SUPT20H: variants seen among roughly 807,000 people sequenced by gnomAD.
SUPT20H encodes transcription factor SPT20 homolog.
Under a neutral mutation model 122.8 loss-of-function variants are expected in SUPT20H, and 82 were observed. That is an observed-to-expected ratio of 0.67 (90% CI 0.56 to 0.80). The LOEUF is 0.80. Ranked by LOEUF, SUPT20H falls within the 30% of genes least tolerant of loss-of-function variation. The pLI is 0.00. For synonymous variants in SUPT20H, 291 were observed against 313.0 expected, an observed-to-expected ratio of 0.93 and a Z score of 0.74; for missense variants, 831 against 921.6, an observed-to-expected ratio of 0.90 and a Z score of 1.27.
rs751883673 is a variant in SUPT20H at position 37,051,523 on chromosome 13, T to G, written c.-33A>C. The G allele has an allele frequency of 3.7e-6, 6 of 1,610,350 alleles. No individual in the cohort carries two copies. Among genetic ancestry groups the G allele is most frequent in the East Asian group, 2.2e-5 (1 of 44,766 alleles). On this transcript the variant is annotated 5_prime_UTR_variant, in exon 2 of 26. Transcript: ENST00000350612. ...TAAAATAAGGGTCCAAAAGAAGAGA[T>G]AACTTATGTACGCTGATGAAGTGGG...
chr13:37,055,328 G>C (rs1566382114), intron 1 of SUPT20H, among the ~76,000 whole-genome samples: 4 of 151,420 alleles, frequency 2.6e-5, no homozygotes, highest in African/African-American at 9.7e-5. Flanking sequence ...TAAGCCAAAA[G>C]ACAAAGCTGG....
intron 1 of SUPT20H, among the ~76,000 whole-genome samples, chr13:37,053,595 A>G (rs951388763): frequency 6.6e-5 from 10 of 152,044 alleles, no homozygotes; most frequent in Non-Finnish European, 1.2e-4. Context: ...AACCTAGATG[A>G]CGGGTTGATA....
At chr13:37,027,000 C>A (rs574713182) in intron 14 of SUPT20H, among the ~76,000 whole-genome samples, 184 bp from the exon 15 acceptor site, 2 of 152,006 alleles carry the variant, frequency 1.3e-5, no homozygotes, top group South Asian at 4.1e-4. Context: ...TCATTTGGCT[C>A]TATAGACCAA....
In SUPT20H at chr13:37,009,688, G is replaced by C. The variant is rs1201170457; in HGVS notation, c.2324C>G (p.Thr775Ser). 10 of 1,613,788 alleles carry C rather than the reference G, an allele frequency of 6.2e-6. No homozygotes were observed. The highest frequency in any genetic ancestry group is 7.6e-6 in the Non-Finnish European group (9 of 1,179,938). The stretch of plus-strand genomic sequence containing the variant: ...ATGCAAGACTCAAAATTTTGGAGTG[G>C]TTGGCGTGCCTCTCTTCATTTTACT... Reference protein sequence around the residue: ...SKSKMKRGTPTTPKF With the variant: ...SKSKMKRGTPSTPKF The change falls in exon 26 of 26, where the codon ACC (threonine) becomes AGC (serine). Residue 775 changes from threonine to serine, a missense_variant. Thr to Ser is a moderately conservative substitution (Grantham distance 58). Coordinates refer to ENST00000350612, the MANE Select transcript of SUPT20H (RefSeq NM_001014286.3).
Position 37,042,726 on chromosome 13 carries a change from T to C in SUPT20H, c.396+1352A>G, listed in dbSNP as rs79670302. On this transcript the variant is annotated intron_variant, in intron 7 of 25. Transcript: ENST00000350612. ...AACGATGTCATGATGCCAAATGAGATAGGTGGTGGAAAGAATGGGATCTGC... is the reference window on the plus strand; with the variant it reads ...AACGATGTCATGATGCCAAATGAGACAGGTGGTGGAAAGAATGGGATCTGC... 5.3e-5 allele frequency among the ~76,000 whole-genome samples: 8 copies of C among 152,222 alleles called. No individual in the cohort carries two copies. In the East Asian group the frequency reaches 1.5e-3, roughly 29 times the overall value.
At chr13:37,028,357 TAAG>T in intron 13 of SUPT20H, 52 bp from the exon 14 acceptor site, 12 of 1,510,096 alleles carry the variant, frequency 7.9e-6, no homozygotes, top group Non-Finnish European at 1.1e-5. Context: ...AGGCAGGCAA[TAAG>T]AATTAGTAAA....
chr13:37,015,465 AT>A (rs1283106820), intron 23 of SUPT20H, among the ~76,000 whole-genome samples: 1 of 150,932 alleles, frequency 6.6e-6, no homozygotes, highest in Non-Finnish European at 1.5e-5. Flanking sequence ...CCTCACACCC[AT>A]TAGGAAGGCT....
At chr13:37,057,841 G>T (rs1399617584) in intron 1 of SUPT20H, among the ~76,000 whole-genome samples, 1 of 152,048 alleles carries the variant, frequency 6.6e-6, no homozygotes, top group Non-Finnish European at 1.5e-5. Flanking sequence ...GGGTGTGGTG[G>T]CGTACACCTG....
At position 37,025,358 on chromosome 13, in the gene SUPT20H, C is replaced by T; in HGVS notation, c.1291G>A (p.Ala431Thr). 1 of 1,613,982 alleles carries T rather than the reference C, an allele frequency of 6.2e-7. No individual in the cohort carries two copies. The highest frequency in any genetic ancestry group is 1.1e-5 in the South Asian group (1 of 91,086). Residue 431 changes from alanine (A) to threonine (T), a missense_variant, in exon 17 of 26, where the codon GCC (alanine) becomes ACC (threonine). By Grantham distance (58) the Ala-to-Thr change is moderately conservative (BLOSUM62 0). Coordinates refer to ENST00000350612, the MANE Select transcript of SUPT20H (RefSeq NM_001014286.3). ...VKMSHSSSGS[A>T]SLSQVSPGKE... is the part of the protein sequence containing the mutation. ...CCTGGAGAAACCTGACTCAGACTGG[C>T]TGAGCCACTGGAGCTGTGTGACATC...
At chr13:37,059,442 G>C (rs1222858203) in intron 1 of SUPT20H, 117 bp downstream of exon 1, 1 of 152,252 alleles carries the variant, frequency 6.6e-6, no homozygotes, top group African/African-American at 2.4e-5. Flanking sequence ...TGGGGACCCC[G>C]TCTTCCTCCA....
At chr13:37,010,752 T>G in intron 24 of SUPT20H, 97 bp from the exon 25 acceptor site, 1 of 805,412 alleles carries the variant, frequency 1.2e-6, no homozygotes, top group Non-Finnish European at 2.0e-6. Flanking sequence ...ATAGAAAAGT[T>G]AGCAGTATGA....
chr13:37,059,158 C>A (rs2070027435), intron 1 of SUPT20H: 1 of 152,272 alleles, frequency 6.6e-6, no homozygotes, highest in Non-Finnish European at 1.5e-5. Context: ...CCAGAGTCTT[C>A]CCATTGCAGG....
At chr13:37,010,282 T>C (rs1196578125) in intron 25 of SUPT20H, among the ~76,000 whole-genome samples, 3 of 152,218 alleles carry the variant, frequency 2.0e-5, no homozygotes, top group African/African-American at 7.2e-5. Flanking sequence ...ACAACTGTCT[T>C]TCAAAATATA....
At chr13:37,058,775 G>C (rs563597244) in intron 1 of SUPT20H, among the ~76,000 whole-genome samples, 1 of 151,852 alleles carries the variant, frequency 6.6e-6, no homozygotes, top group Non-Finnish European at 1.5e-5. Context: ...TAATCAAACC[G>C]GCATCTGTTT....
intron 13 of SUPT20H, among the ~76,000 whole-genome samples, chr13:37,029,298 G>A (rs888520957): frequency 6.6e-6 from 1 of 152,192 alleles, no homozygotes; most frequent in Non-Finnish European, 1.5e-5. Context: ...GGAGGCCAAG[G>A]TGGGCGGATC....
Position 37,012,284 on chromosome 13 carries a change from C to A in SUPT20H, c.2006G>T (p.Gly669Val). 1.2e-6 allele frequency: 2 copies of A among 1,612,690 alleles called. No individual in the cohort carries two copies. The highest frequency in any genetic ancestry group is 1.7e-6 in the Non-Finnish European group (2 of 1,179,088). ...TAAGGCCTGTTCTTGACTGGTTGAA[C>A]CTTGCTCAGAACCCTGAATAAAAAA... ...QQPGEQGSEQ[G>V]STSQEQALSA... Residue 669 changes from glycine to valine, a missense_variant, in exon 24 of 26, where the codon GGT becomes GTT. By Grantham distance (109) the Gly-to-Val change is moderately radical. Coordinates refer to ENST00000350612, the MANE Select transcript of SUPT20H (RefSeq NM_001014286.3).
At chr13:37,032,029 AG>A (rs2063434985) in intron 10 of SUPT20H, 134 bp from the exon 11 acceptor site, 3 of 663,012 alleles carry the variant, frequency 4.5e-6, no homozygotes, top group Non-Finnish European at 7.0e-6. Flanking sequence ...GCACAGTCCT[AG>A]GAACTAGGAC....
In SUPT20H at chr13:37,012,310, A is replaced by T; in HGVS notation, c.1993-13T>A. 1 of 1,598,892 alleles carries T rather than the reference A, an allele frequency of 6.3e-7. No individual in the cohort carries two copies. Among genetic ancestry groups the T allele is most frequent in the Non-Finnish European group, 8.5e-7 (1 of 1,170,002 alleles). On this transcript the variant is annotated splice_polypyrimidine_tract_variant and intron_variant, in intron 23 of 25. Transcript: ENST00000350612. Reference sequence around the variant, plus strand: ...CTTGCTCAGAACCCTGAATAAAAAAATAATAAATGACTTGTACAAGAAAGA... The same window carrying T: ...CTTGCTCAGAACCCTGAATAAAAAATTAATAAATGACTTGTACAAGAAAGA...
chr13:37,047,566 A>G lies in SUPT20H; in HGVS notation c.134T>C (p.Ile45Thr). 1 of 1,435,938 alleles carries G rather than the reference A, an allele frequency of 7.0e-7. No homozygotes were observed. Among genetic ancestry groups the G allele is most frequent in the Non-Finnish European group, 9.3e-7 (1 of 1,074,782 alleles). 88.9% of individuals were successfully genotyped at this position (1,435,938 alleles called of 1,614,324 possible). ...TTCAGGTTCTTTTTCACATTCTTCA[A>G]TATACAAGTCATAAAGTTTTTGAAA... Reference protein sequence around the residue: ...SVFQKLYDLYIEECEKEPEVK... With the variant: ...SVFQKLYDLYTEECEKEPEVK... Residue 45 changes from isoleucine to threonine, a missense_variant, in exon 5 of 26, where the codon ATT becomes ACT. By Grantham distance (89) the Ile-to-Thr change is moderately conservative. Coordinates refer to ENST00000350612, the MANE Select transcript of SUPT20H (RefSeq NM_001014286.3).
Sources: allele counts gnomAD v4.1 joint callset (sites outside exome capture counted in the v4.1 genomes callset), GRCh38; gene constraint gnomAD v4.1.1; transcripts MANE v1.5; gene names NCBI Gene and HGNC (gene_info 2026-07-23, HGNC 2026-07-21).